Variants in MTCL2 observed in about 807,000 individuals in gnomAD.
MTCL2 encodes the protein microtubule crosslinking factor 2.
At chr20:36,841,898 T>TGTGC in the MTCL2 span, among the ~76,000 whole-genome samples, 1 of 150,938 alleles carries the variant, frequency 6.6e-6, no homozygotes, top group East Asian at 1.9e-4. Flanking sequence ...TGTGTGTGTG[T>TGTGC]GTGTGTGTGT....
chr20:36,808,428 T>C, the MTCL2 span: 4 of 1,097,548 alleles, frequency 3.6e-6, no homozygotes, highest in Non-Finnish European at 5.3e-6. Flanking sequence ...AGCCTAGGAG[T>C]TGTGTCAATA....
the MTCL2 span, chr20:36,784,165 G>C: frequency 1.0e-6 from 1 of 985,858 alleles, no homozygotes; most frequent in Non-Finnish European, 1.2e-6. Context: ...GAAGGCCTCT[G>C]GTGGCTTGTG....
At chr20:36,793,839 G>A in the MTCL2 span, 25 of 1,544,756 alleles carry the variant, frequency 1.6e-5, no homozygotes, top group Admixed American at 3.9e-5. The surrounding 1 kb of genome is among the most constrained non-coding windows in gnomAD (Gnocchi z 6.8). Flanking sequence ...TGCTTGCTGC[G>A]CACAGACACG....
At chr20:36,854,850 A>C in the MTCL2 span, among the ~76,000 whole-genome samples, 1 of 152,208 alleles carries the variant, frequency 6.6e-6, no homozygotes, top group Non-Finnish European at 1.5e-5. Context: ...TCCATTAGCA[A>C]ATGTGTATCA....
At chr20:36,778,208 T>C in the MTCL2 span, 1 of 172,938 alleles carries the variant, frequency 5.8e-6, no homozygotes, top group African/African-American at 2.4e-5. Flanking sequence ...TTGTTGGTGG[T>C]GGTTCCCAAT....
chr20:36,804,032 A>C, the MTCL2 span, among the ~76,000 whole-genome samples: 1 of 151,080 alleles, frequency 6.6e-6, no homozygotes, highest in Non-Finnish European at 1.5e-5. Flanking sequence ...TTGGGGGAGC[A>C]AGGGCCAGTC....
chr20:36,803,928 G>A, the MTCL2 span, among the ~76,000 whole-genome samples: 1 of 130,142 alleles, frequency 7.7e-6, no homozygotes. Context: ...CTGCACTCCA[G>A]CCTGAGTGAC....
the MTCL2 span, among the ~76,000 whole-genome samples, chr20:36,842,417 A>G: frequency 6.6e-6 from 1 of 152,254 alleles, no homozygotes; most frequent in Admixed American, 6.5e-5. Context: ...CCTAGTCACA[A>G]ATGGGAATGA....
At chr20:36,814,873 C>T in the MTCL2 span, among the ~76,000 whole-genome samples, 3 of 151,836 alleles carry the variant, frequency 2.0e-5, no homozygotes, top group Admixed American at 6.6e-5. Flanking sequence ...GGTGACAGAG[C>T]GAGACTCCGT....
chr20:36,795,388 C>T, the MTCL2 span, among the ~76,000 whole-genome samples: 1 of 152,196 alleles, frequency 6.6e-6, no homozygotes, highest in Non-Finnish European at 1.5e-5. Context: ...CTGCACCTGG[C>T]CTCTCTTTGC....
the MTCL2 span, chr20:36,812,613 C>G: frequency 6.0e-6 from 9 of 1,504,948 alleles, no homozygotes; most frequent in South Asian, 1.1e-4. Flanking sequence ...ATATCCTCAC[C>G]AGCTAAGTGA....
the MTCL2 span, among the ~76,000 whole-genome samples, chr20:36,827,616 G>T: frequency 6.6e-6 from 1 of 152,060 alleles, no homozygotes; most frequent in African/African-American, 2.4e-5. Flanking sequence ...ATAGGTGTGA[G>T]CCACCGTGCA....
At chr20:36,817,735 G>A in the MTCL2 span, among the ~76,000 whole-genome samples, 1 of 152,334 alleles carries the variant, frequency 6.6e-6, no homozygotes, top group South Asian at 2.1e-4. Context: ...CTGCTCCCAT[G>A]TGTGACCCAG....
chr20:36,829,925 G>A, the MTCL2 span, among the ~76,000 whole-genome samples: 1 of 152,084 alleles, frequency 6.6e-6, no homozygotes, highest in Non-Finnish European at 1.5e-5. Context: ...CTTGAACCAG[G>A]GAGGCAGAGG....
chr20:36,800,676 G>A, the MTCL2 span, among the ~76,000 whole-genome samples: 1 of 152,234 alleles, frequency 6.6e-6, no homozygotes, highest in Non-Finnish European at 1.5e-5. Flanking sequence ...ACATTAGGAA[G>A]AGGAAATACC....
chr20:36,786,965 C>T, the MTCL2 span, among the ~76,000 whole-genome samples: 1 of 152,136 alleles, frequency 6.6e-6, no homozygotes, highest in Non-Finnish European at 1.5e-5. Context: ...TTTTCTGTCA[C>T]TAGGTATGTC....
chr20:36,797,780 A>C, the MTCL2 span, among the ~76,000 whole-genome samples: 4 of 152,226 alleles, frequency 2.6e-5, no homozygotes, highest in African/African-American at 9.6e-5. Flanking sequence ...AACTACTTGC[A>C]GGCATCCTTC....
chr20:36,824,912 C>G, the MTCL2 span, among the ~76,000 whole-genome samples: 2 of 151,874 alleles, frequency 1.3e-5, no homozygotes, highest in Non-Finnish European at 2.9e-5. Context: ...CCTCGGCCTC[C>G]CAAAGTGCTG....
chr20:36,833,884 C>T, the MTCL2 span, among the ~76,000 whole-genome samples: 1 of 151,952 alleles, frequency 6.6e-6, no homozygotes, highest in East Asian at 1.9e-4. Context: ...GAAACAAGGC[C>T]GGGCATGGTG....
Sources: allele counts gnomAD v4.1 joint callset (sites outside exome capture counted in the v4.1 genomes callset), GRCh38; gene constraint gnomAD v4.1.1; non-coding constraint Gnocchi (gnomAD v3.1); transcripts MANE v1.5; gene names NCBI Gene and HGNC (gene_info 2026-07-23, HGNC 2026-07-21).